SORCS2: variants seen among roughly 807,000 people sequenced by gnomAD.
SORCS2 encodes VPS10 domain-containing receptor SorCS2.
A neutral mutation model predicts 141.6 loss-of-function variants in SORCS2; 100 were observed. That is an observed-to-expected ratio of 0.71 (90% CI 0.60 to 0.83). The LOEUF (loss-of-function observed/expected upper bound fraction) is 0.83, where lower values mean the gene tolerates loss of function less well. Ranked by LOEUF, SORCS2 falls within the 40% of genes least tolerant of loss-of-function variation. SORCS2 has a pLI of 0.00. For synonymous variants in SORCS2, 789 were observed against 676.9 expected (o/e 1.17, Z -2.57); for missense variants, 1,646 against 1,560.2 (o/e 1.05, Z -0.93).
At chr4:7,216,044 T>C (rs1200518906) in intron 1 of SORCS2, among the ~76,000 whole-genome samples, 4 of 152,304 alleles carry the variant, frequency 2.6e-5, no homozygotes, top group South Asian at 2.1e-4. Flanking sequence ...GCTCACTCTT[T>C]GGGTCCACAC....
At chr4:7,426,000 A>G (rs1256942479) in intron 2 of SORCS2, among the ~76,000 whole-genome samples, 1 of 152,250 alleles carries the variant, frequency 6.6e-6, no homozygotes, top group African/African-American at 2.4e-5. Flanking sequence ...GACCCGGAGC[A>G]CAGGTCTCAG....
At chr4:7,276,871 A>AC (rs1190666374) in intron 1 of SORCS2, among the ~76,000 whole-genome samples, 2 of 152,090 alleles carry the variant, frequency 1.3e-5, no homozygotes, top group East Asian at 3.9e-4. Flanking sequence ...GGTGCATCCA[A>AC]CCCCGTGGGG....
chr4:7,583,257 G>T (rs905744489), intron 3 of SORCS2, among the ~76,000 whole-genome samples: 9 of 152,116 alleles, frequency 5.9e-5, no homozygotes, highest in African/African-American at 2.2e-4. Flanking sequence ...TGAGCTTAAA[G>T]GCACCATTGG....
At chr4:7,666,911 A>G (rs1483887994) in intron 7 of SORCS2, among the ~76,000 whole-genome samples, 2 of 152,084 alleles carry the variant, frequency 1.3e-5, no homozygotes, top group Non-Finnish European at 2.9e-5. Context: ...GTTAGTTCTG[A>G]CTGAAGGAAG....
chr4:7,527,660 G>C (rs1733782003), intron 2 of SORCS2, among the ~76,000 whole-genome samples: 1 of 152,226 alleles, frequency 6.6e-6, no homozygotes, highest in South Asian at 2.1e-4. Flanking sequence ...GTGGGCCTTT[G>C]TTACAGCAGC....
intron 1 of SORCS2, among the ~76,000 whole-genome samples, chr4:7,261,024 G>A (rs1459625055): frequency 1.3e-5 from 2 of 152,148 alleles, no homozygotes; most frequent in Admixed American, 6.5e-5. Context: ...AACATCTGTC[G>A]GATGATGCTT....
rs1721200034 is a variant in SORCS2 at position 7,648,157 on chromosome 4, G to A, written c.814-5977G>A. On this transcript the variant is annotated intron_variant, in intron 4 of 26. Coordinates refer to ENST00000507866, the MANE Select transcript of SORCS2 (RefSeq NM_020777.3). The surrounding 1 kb of genome is among the most constrained non-coding windows in gnomAD (Gnocchi z 4.2). ...GTGGTTGCAGGACCTGGTGGATGGTGGGAAGGAGGGAGGCCATTTACTGAG... is the reference window on the plus strand; with the variant it reads ...GTGGTTGCAGGACCTGGTGGATGGTAGGAAGGAGGGAGGCCATTTACTGAG... Among the ~76,000 whole-genome samples, 1 of 151,188 alleles carries A rather than the reference G, an allele frequency of 6.6e-6. No homozygotes were observed. Among genetic ancestry groups the A allele is most frequent in the Non-Finnish European group, 1.5e-5 (1 of 67,876 alleles).
At chr4:7,639,441 T>C (rs1577879641) in intron 4 of SORCS2, among the ~76,000 whole-genome samples, 1 of 151,586 alleles carries the variant, frequency 6.6e-6, no homozygotes, top group Non-Finnish European at 1.5e-5. Context: ...CACTTGTAAG[T>C]GTGTGAGTGC....
chr4:7,563,890 C>A (rs870012), intron 3 of SORCS2, among the ~76,000 whole-genome samples: 120,378 of 152,104 alleles, frequency 0.79, 47,747 homozygotes, highest in East Asian at 0.9. Context: ...TAAGTGAGAA[C>A]AATTGGGCTA....
intron 10 of SORCS2, among the ~76,000 whole-genome samples, chr4:7,686,856 A>C (rs1403240934): frequency 6.6e-6 from 1 of 152,212 alleles, no homozygotes; most frequent in East Asian, 1.9e-4. Context: ...AGCAGGCCGC[A>C]AGGCGAATGC....
chr4:7,636,640 G>A (rs374969903), intron 3 of SORCS2, among the ~76,000 whole-genome samples: 27 of 152,182 alleles, frequency 1.8e-4, no homozygotes, highest in Admixed American at 1.3e-3. Flanking sequence ...AAACCCAGCC[G>A]GGATAAGGGT....
chr4:7,520,951 G>A (rs188694412), intron 2 of SORCS2, among the ~76,000 whole-genome samples: 10 of 152,372 alleles, frequency 6.6e-5, no homozygotes, highest in East Asian at 1.9e-4. Context: ...ATTGGTGCAC[G>A]GATCAGGGGA....
At chr4:7,615,608 G>A (rs758266489) in intron 3 of SORCS2, among the ~76,000 whole-genome samples, 2 of 152,184 alleles carry the variant, frequency 1.3e-5, no homozygotes, top group African/African-American at 2.4e-5. Context: ...GTGCCTGCCC[G>A]TGCTTTTCCA....
At chr4:7,422,025 A>T (rs1726106686) in intron 2 of SORCS2, among the ~76,000 whole-genome samples, 1 of 151,988 alleles carries the variant, frequency 6.6e-6, no homozygotes, top group Admixed American at 6.5e-5. Context: ...GTTGAACCAC[A>T]CCGGTGCAGT....
chr4:7,531,532 C>T lies in SORCS2; in HGVS notation c.551C>T (p.Ser184Leu). The T allele has an allele frequency of 6.2e-7, 1 of 1,613,658 alleles. No individual in the cohort carries two copies. The highest frequency in any genetic ancestry group is 8.5e-7 in the Non-Finnish European group (1 of 1,179,730). ...CGGCTGTCCCCCTTTTCCCCCAGGT[C>T]ATCAGATTTCGGGACGTCCTACACC... ...GKVLESSLWR[S>L]SDFGTSYTKL... Residue 184 changes from serine to leucine, a missense_variant and splice_region_variant, in exon 3 of 27, where the codon TCA becomes TTA. Transcript: ENST00000507866.
At chr4:7,457,837 TG>T (rs1729019117) in intron 2 of SORCS2, among the ~76,000 whole-genome samples, 1 of 152,222 alleles carries the variant, frequency 6.6e-6, no homozygotes, top group Non-Finnish European at 1.5e-5. Flanking sequence ...TGGAAGGCCC[TG>T]GGGGTTTTAG....
intron 1 of SORCS2, among the ~76,000 whole-genome samples, chr4:7,246,953 G>A (rs2108799657): frequency 6.6e-6 from 1 of 152,272 alleles, no homozygotes; most frequent in African/African-American, 2.4e-5. Flanking sequence ...CCTCCTCCAG[G>A]GTCCCCTTCC....
intron 1 of SORCS2, among the ~76,000 whole-genome samples, chr4:7,259,637 C>T (rs1390240377): frequency 6.6e-6 from 1 of 152,218 alleles, no homozygotes; most frequent in East Asian, 1.9e-4. Context: ...CAGTACCCGC[C>T]TCCCCTCCTG....
intron 11 of SORCS2, 132 bp from the exon 12 acceptor site, chr4:7,697,066 G>A (rs550969729): frequency 7.1e-6 from 5 of 701,040 alleles, no homozygotes; most frequent in Non-Finnish European, 1.2e-5. Context: ...AGCAGCCACA[G>A]CAGGTCTGTG....
Sources: allele counts gnomAD v4.1 joint callset (sites outside exome capture counted in the v4.1 genomes callset), GRCh38; gene constraint gnomAD v4.1.1; non-coding constraint Gnocchi (gnomAD v3.1); transcripts MANE v1.5; gene names NCBI Gene and HGNC (gene_info 2026-07-23, HGNC 2026-07-21).